The following CAMK1D variants were observed in gnomAD, a reference collection of about 807,000 sequenced individuals.
CAMK1D encodes the protein calcium/calmodulin-dependent protein kinase type 1D.
Under a neutral mutation model 47.7 loss-of-function variants are expected in CAMK1D, and 9 were observed. That is an observed-to-expected ratio of 0.19 (90% confidence interval 0.11 to 0.33). The LOEUF is 0.33. Ranked by LOEUF, CAMK1D falls within the 10% of genes least tolerant of loss-of-function variation. The probability of loss-of-function intolerance (pLI) is 1.00; values close to 1 mark genes in which losing one functional copy is unlikely to be tolerated. For synonymous variants in CAMK1D, 184 were observed against 184.9 expected, an observed-to-expected ratio of 0.99 and a Z score of 0.04; for missense variants, 291 against 488.7, an observed-to-expected ratio of 0.60 and a Z score of 3.81.
intron 3 of CAMK1D, among the ~76,000 whole-genome samples, chr10:12,737,045 C>T (rs754347750): frequency 2.0e-5 from 3 of 152,164 alleles, no homozygotes; most frequent in Non-Finnish European, 1.5e-5. Flanking sequence ...CATGCAGCTG[C>T]AGGGGAGGGC....
At chr10:12,749,525 A>ATGTT (rs751098053) in intron 3 of CAMK1D, among the ~76,000 whole-genome samples, 48 of 135,934 alleles carry the variant, frequency 3.5e-4, no homozygotes, top group Middle Eastern at 4.0e-3. Flanking sequence ...GAAAGTGTGG[A>ATGTT]TGTTTGTTTG....
intron 3 of CAMK1D, among the ~76,000 whole-genome samples, chr10:12,683,686 C>A (rs1430582003): frequency 6.6e-6 from 1 of 150,550 alleles, no homozygotes; most frequent in African/African-American, 2.4e-5. Context: ...ATGCACAATG[C>A]CTGGTACATA....
chr10:12,545,537 C>T (rs1303174552), intron 1 of CAMK1D, among the ~76,000 whole-genome samples: 2 of 150,678 alleles, frequency 1.3e-5, no homozygotes, highest in African/African-American at 4.9e-5. Flanking sequence ...CGCAGTGGCT[C>T]ACACCTGTAA....
chr10:12,578,880 C>G (rs373672272), intron 2 of CAMK1D: 1 of 154,226 alleles, frequency 6.5e-6, no homozygotes, highest in Non-Finnish European at 1.5e-5. Context: ...GCTCTACACT[C>G]GATTGACTGT....
chr10:12,467,070 C>T (rs1461784327), intron 1 of CAMK1D, among the ~76,000 whole-genome samples: 1 of 152,014 alleles, frequency 6.6e-6, no homozygotes, highest in Non-Finnish European at 1.5e-5. Context: ...GTTGTCAGTA[C>T]GTGGCCCGCA....
chr10:12,580,910 G>A (rs1476654278), intron 2 of CAMK1D, among the ~76,000 whole-genome samples: 2 of 152,128 alleles, frequency 1.3e-5, no homozygotes, highest in African/African-American at 4.8e-5. Context: ...TATTTTCATA[G>A]GTTTGGGGGA....
chr10:12,708,405 A>G (rs1451177384), intron 3 of CAMK1D, among the ~76,000 whole-genome samples: 1 of 152,208 alleles, frequency 6.6e-6, no homozygotes, highest in African/African-American at 2.4e-5. Flanking sequence ...GCAGAGGAAG[A>G]GTAACGCATA....
intron 1 of CAMK1D, among the ~76,000 whole-genome samples, chr10:12,463,000 C>A (rs558106189): frequency 2.6e-5 from 4 of 152,180 alleles, no homozygotes; most frequent in Non-Finnish European, 4.4e-5. Flanking sequence ...TGAGCATATG[C>A]CAGAGAATAA....
intron 10 of CAMK1D, among the ~76,000 whole-genome samples, chr10:12,827,694 T>C (rs1348269105): frequency 1.4e-5 from 2 of 145,880 alleles, no homozygotes; most frequent in Non-Finnish European, 3.0e-5. Context: ...TCCTCTCTCC[T>C]CTCTCTTCTT....
chr10:12,591,895 A>G (rs1443119607), intron 2 of CAMK1D, among the ~76,000 whole-genome samples: 1 of 152,084 alleles, frequency 6.6e-6, no homozygotes, highest in Admixed American at 6.5e-5. Context: ...GGGTTTCACT[A>G]TGTTGGCCAG....
chr10:12,564,870 C>G (rs1375105618), intron 2 of CAMK1D, among the ~76,000 whole-genome samples: 1 of 152,140 alleles, frequency 6.6e-6, no homozygotes, highest in African/African-American at 2.4e-5. Flanking sequence ...TGTAAATGTA[C>G]TATATGTAGG....
At chr10:12,769,538 A>T in intron 4 of CAMK1D, 135 bp from the exon 5 acceptor site, 1 of 873,782 alleles carries the variant, frequency 1.1e-6, no homozygotes, top group Non-Finnish European at 1.7e-6. Context: ...CCGCCGCTTT[A>T]GTTGATGCAT....
chr10:12,359,868 A>G (rs1313435243), intron 1 of CAMK1D, among the ~76,000 whole-genome samples: 1 of 152,226 alleles, frequency 6.6e-6, no homozygotes, highest in East Asian at 1.9e-4. Context: ...CCCCATAAGC[A>G]TATGTAACCA....
rs967191291 is a variant in CAMK1D, at chr10:12,602,689, T to C, written c.224+49333T>C. Reference sequence around the variant, plus strand: ...AAGGCGATGGCTGTTCTTTGAGCACTTAGGAAATGTTTGTTTGGGGAGGAC... The same window carrying C: ...AAGGCGATGGCTGTTCTTTGAGCACCTAGGAAATGTTTGTTTGGGGAGGAC... On this transcript the variant is annotated intron_variant, in intron 2 of 10. Transcript: ENST00000619168. 1.2e-4 allele frequency among the ~76,000 whole-genome samples: 19 copies of C among 152,166 alleles called. No homozygotes were observed. The East Asian group carries it at 3.3e-3, about 26-fold the overall frequency.
At chr10:12,820,630 A>G (rs1392142516) in intron 8 of CAMK1D, among the ~76,000 whole-genome samples, 4 of 152,132 alleles carry the variant, frequency 2.6e-5, no homozygotes, top group African/African-American at 9.7e-5. Flanking sequence ...CAGCAGGGCC[A>G]CCGAGGGCGA....
chr10:12,777,163 G>T (rs1588913844), intron 5 of CAMK1D, among the ~76,000 whole-genome samples: 2 of 152,266 alleles, frequency 1.3e-5, no homozygotes, highest in South Asian at 4.1e-4. Flanking sequence ...GAGTCCTGGG[G>T]ACATCAGGGT....
chr10:12,700,829 T>C (rs1178161162), intron 3 of CAMK1D, among the ~76,000 whole-genome samples: 1 of 152,236 alleles, frequency 6.6e-6, no homozygotes, highest in African/African-American at 2.4e-5. Flanking sequence ...AGTATTGATT[T>C]CTAAGTTTCA....
intron 3 of CAMK1D, among the ~76,000 whole-genome samples, chr10:12,729,466 T>C (rs1179553682): frequency 1.3e-5 from 2 of 152,018 alleles, no homozygotes; most frequent in South Asian, 2.1e-4. Context: ...CAAGACCTCG[T>C]CTCTACAGAA....
At chr10:12,602,547 C>T (rs920407328) in intron 2 of CAMK1D, among the ~76,000 whole-genome samples, 2 of 152,108 alleles carry the variant, frequency 1.3e-5, no homozygotes, top group African/African-American at 4.8e-5. Context: ...GGTGTGGGAG[C>T]ATTCTGAATT....
Sources: allele counts gnomAD v4.1 joint callset (sites outside exome capture counted in the v4.1 genomes callset), GRCh38; gene constraint gnomAD v4.1.1; transcripts MANE v1.5; gene names NCBI Gene and HGNC (gene_info 2026-07-23, HGNC 2026-07-21).